Variants in DMD observed in about 807,000 individuals in gnomAD.
The protein encoded by DMD is mutant dystrophin.
Under a neutral mutation model 330.1 loss-of-function variants are expected in DMD, and 63 were observed. The ratio of observed to expected loss-of-function variants is 0.19; its 90% confidence interval spans 0.16 to 0.24. The LOEUF is 0.24. Among genes scored for constraint, DMD ranks in the 10% least tolerant of loss-of-function variants. The probability of loss-of-function intolerance (pLI) is 1.00; values close to 1 mark genes in which losing one functional copy is unlikely to be tolerated. For synonymous variants in DMD, 1,223 were observed against 959.8 expected, an observed-to-expected ratio of 1.27 and a Z score of -5.07; for missense variants, 3,344 against 2,684.1, an observed-to-expected ratio of 1.25 and a Z score of -5.43.
chrX:31,400,472 C>T (rs2061140953), intron 60 of DMD, among the ~76,000 whole-genome samples: 2 of 111,427 alleles, frequency 1.8e-5, no homozygotes, highest in Non-Finnish European at 3.8e-5. Flanking sequence ...GTTAGAACCT[C>T]CTGAGGCTGT....
chrX:33,077,109 T>C (rs1198635328), intron 1 of DMD, among the ~76,000 whole-genome samples: 1 of 111,111 alleles, frequency 9.0e-6, no homozygotes, highest in Non-Finnish European at 1.9e-5. Flanking sequence ...GCAAAATATC[T>C]CAAGCACTGA....
chrX:31,439,430 C>A (rs759091688), intron 60 of DMD, among the ~76,000 whole-genome samples: 3 of 111,877 alleles, frequency 2.7e-5, no homozygotes, highest in Admixed American at 1.9e-4. Flanking sequence ...ATCCCTGCGA[C>A]AGCAAGTTAC....
At chrX:31,123,281 C>CTATCT (rs1380828770) in intron 78 of DMD, among the ~76,000 whole-genome samples, 4 of 112,029 alleles carry the variant, frequency 3.6e-5, no homozygotes, top group Non-Finnish European at 7.5e-5. Context: ...GTTTGTATAT[C>CTATCT]TATCTTTTTG....
At position 32,223,468 on chromosome X, in the gene DMD, T is replaced by A. The variant is rs764027525; in HGVS notation, c.6291-6405A>T. 3.6e-5 allele frequency among the ~76,000 whole-genome samples: 4 copies of A among 111,575 alleles called. No homozygotes were observed. In the South Asian group the frequency reaches 1.5e-3, roughly 42 times the overall value. ...ATTTTACTATTAATAAATACTGAAG[T>A]AGTTTTGGTTTGGGGCTATTACTAT... On this transcript the variant is annotated intron_variant, in intron 43 of 78. Coordinates refer to ENST00000357033, the MANE Select transcript of DMD (RefSeq NM_004006.3).
intron 44 of DMD, among the ~76,000 whole-genome samples, chrX:31,999,486 A>G (rs1299660865): frequency 8.9e-6 from 1 of 112,003 alleles, no homozygotes; most frequent in Non-Finnish European, 1.9e-5. Context: ...TTCAACATAG[A>G]AGAACCATAT....
intron 45 of DMD, among the ~76,000 whole-genome samples, chrX:31,936,110 A>G (rs1049035353): frequency 9.0e-6 from 1 of 111,234 alleles, no homozygotes; most frequent in African/African-American, 3.3e-5. Flanking sequence ...GATCCTAGTA[A>G]TAAGATATAT....
intron 60 of DMD, among the ~76,000 whole-genome samples, chrX:31,404,978 G>C (rs755179290): frequency 3.6e-5 from 4 of 111,943 alleles, no homozygotes; most frequent in African/African-American, 1.3e-4. Flanking sequence ...GTTTTCAATA[G>C]TAAGGAAAAT....
chrX:31,133,873 G>A (rs1290684851), intron 77 of DMD, among the ~76,000 whole-genome samples: 2 of 112,356 alleles, frequency 1.8e-5, no homozygotes, highest in East Asian at 5.6e-4. Flanking sequence ...GACAAATAGA[G>A]GGTGGTATTC....
chrX:32,156,987 G>A (rs1030824670), intron 44 of DMD, among the ~76,000 whole-genome samples: 2 of 111,997 alleles, frequency 1.8e-5, no homozygotes, highest in African/African-American at 3.3e-5. Context: ...TGTGCCTATC[G>A]GGACAGCTGA....
Position 32,145,507 on chromosome X carries a change from G to T in DMD, c.6438+71409C>A, listed in dbSNP as rs774902619. On this transcript the variant is annotated intron_variant, in intron 44 of 78. Transcript: ENST00000357033. ...CAGCAAATGTGTCTGAAAGCTTCTT[G>T]CTCTGTTGCACTGTGAGAGAACTAT... Among the ~76,000 whole-genome samples the T allele has an allele frequency of 9.6e-4, 108 of 112,313 alleles. 1 individual carries two copies. The highest frequency in any genetic ancestry group is 3.4e-3 in the African/African-American group (105 of 30,886).
chrX:31,367,393 A>C (rs952290353), intron 60 of DMD, among the ~76,000 whole-genome samples: 2 of 111,319 alleles, frequency 1.8e-5, no homozygotes, highest in Admixed American at 1.9e-4. Context: ...TATAATTTTG[A>C]AAAATTAAAC....
intron 42 of DMD, among the ~76,000 whole-genome samples, chrX:32,288,576 A>G (rs780201373): frequency 5.4e-5 from 6 of 111,999 alleles, no homozygotes; most frequent in African/African-American, 1.9e-4. Flanking sequence ...AGAGCCGAAA[A>G]GATTCTTTTA....
At chrX:32,902,138 GC>G (rs1323174287) in intron 2 of DMD, among the ~76,000 whole-genome samples, 2 of 91,295 alleles carry the variant, frequency 2.2e-5, no homozygotes, top group African/African-American at 8.5e-5. Flanking sequence ...TTCCTCATAA[GC>G]AAGCATCACA....
intron 30 of DMD, among the ~76,000 whole-genome samples, chrX:32,392,525 GC>G (rs1333285718): frequency 4.5e-5 from 5 of 111,473 alleles, no homozygotes; most frequent in Non-Finnish European, 7.5e-5. Context: ...TTCCCAAAGT[GC>G]TGGGATTACA....
intron 44 of DMD, among the ~76,000 whole-genome samples, chrX:32,177,693 A>C (rs1428049334): frequency 1.8e-5 from 2 of 111,175 alleles, no homozygotes; most frequent in African/African-American, 6.5e-5. Context: ...ATAAAGTCTG[A>C]CATCCCTGCT....
intron 1 of DMD, among the ~76,000 whole-genome samples, chrX:33,182,080 C>CA (rs750388613): frequency 1.8e-5 from 2 of 111,927 alleles, no homozygotes; most frequent in African/African-American, 6.5e-5. Flanking sequence ...ATATTGTCAG[C>CA]AAACCATACC....
chrX:31,316,590 C>A (rs1290394163), intron 62 of DMD, among the ~76,000 whole-genome samples: 1 of 111,654 alleles, frequency 9.0e-6, no homozygotes, highest in African/African-American at 3.3e-5. Context: ...GCACTCTGCA[C>A]AACACTATGG....
chrX:31,651,067 C>T (rs999319225), intron 54 of DMD, among the ~76,000 whole-genome samples: 9 of 111,731 alleles, frequency 8.1e-5, no homozygotes, highest in African/African-American at 2.6e-4. Flanking sequence ...AATTTGGAAG[C>T]CAGTTTAATA....
chrX:32,545,852 A>G (rs990599543), intron 16 of DMD, among the ~76,000 whole-genome samples: 6 of 111,156 alleles, frequency 5.4e-5, no homozygotes, highest in Non-Finnish European at 7.5e-5. Context: ...CTTTAATCAA[A>G]TAAGTGAAAC....
Sources: gnomAD v4.1 joint callset for allele counts (sites outside exome capture counted in the v4.1 genomes callset) on GRCh38, gnomAD v4.1.1 for gene constraint, MANE v1.5 for transcripts, NCBI Gene and HGNC (gene_info 2026-07-23, HGNC 2026-07-21) for gene names.